GRID1: variants seen among roughly 807,000 people sequenced by gnomAD.
The protein encoded by GRID1 is glutamate ionotropic receptor delta type subunit 1.
Under a neutral mutation model 98.0 loss-of-function variants are expected in GRID1, and 28 were observed. The ratio of observed to expected loss-of-function variants is 0.29; its 90% CI spans 0.21 to 0.39. The LOEUF (loss-of-function observed/expected upper bound fraction) is 0.39, where lower values mean the gene tolerates loss of function less well. GRID1 is among the 10% of genes least tolerant of loss of function. The pLI is 1.00. For missense variants in GRID1, 1,111 were observed against 1,340.5 expected, an observed-to-expected ratio of 0.83 and a Z score of 2.67; for synonymous variants, 553 against 538.5, an observed-to-expected ratio of 1.03 and a Z score of -0.37.
At chr10:85,645,200 T>A (rs1843171470) in intron 13 of GRID1, among the ~76,000 whole-genome samples, 1 of 152,078 alleles carries the variant, frequency 6.6e-6, no homozygotes, top group Admixed American at 6.5e-5. Flanking sequence ...ATGCAATGAA[T>A]CTTCTTAAGA....
chr10:86,204,530 C>A (rs760115922), intron 3 of GRID1, among the ~76,000 whole-genome samples: 1 of 152,236 alleles, frequency 6.6e-6, no homozygotes, highest in African/African-American at 2.4e-5. Flanking sequence ...TCTTTGAGGA[C>A]CTGCATCTTG....
chr10:86,007,347 C>A (rs1034439498), intron 4 of GRID1, among the ~76,000 whole-genome samples: 1 of 152,174 alleles, frequency 6.6e-6, no homozygotes, highest in African/African-American at 2.4e-5. Context: ...TCTTGAGTTC[C>A]AAGTCTGAGG....
chr10:86,363,829 A>G, intron 2 of GRID1, 112 bp downstream of exon 2: 1 of 897,266 alleles, frequency 1.1e-6, no homozygotes, highest in Non-Finnish European at 1.7e-6. Context: ...GCGGCTGCCG[A>G]GGAACAGAGG....
intron 2 of GRID1, among the ~76,000 whole-genome samples, chr10:86,217,608 G>A (rs1267498023): frequency 6.6e-6 from 1 of 152,164 alleles, no homozygotes; most frequent in East Asian, 1.9e-4. Flanking sequence ...CCCTAGGAAA[G>A]AGGCAGCCGG....
intron 3 of GRID1, among the ~76,000 whole-genome samples, chr10:86,180,115 G>C (rs1480505835): frequency 6.6e-6 from 1 of 152,186 alleles, no homozygotes; most frequent in Non-Finnish European, 1.5e-5. Context: ...AGGGAGGCCA[G>C]CCCAGTGGTG....
intron 5 of GRID1, among the ~76,000 whole-genome samples, chr10:85,881,237 T>C (rs889175232): frequency 1.4e-4 from 21 of 152,180 alleles, no homozygotes; most frequent in Non-Finnish European, 2.2e-4. Flanking sequence ...CCCATCAAGC[T>C]ACCAATGACT....
At chr10:86,123,059 G>C (rs1484487914) in intron 4 of GRID1, among the ~76,000 whole-genome samples, 1 of 152,222 alleles carries the variant, frequency 6.6e-6, no homozygotes, top group African/African-American at 2.4e-5. Flanking sequence ...GCAACTGCTT[G>C]AGTTTTGAAT....
intron 4 of GRID1, among the ~76,000 whole-genome samples, chr10:86,035,246 A>G (rs986890463): frequency 3.9e-5 from 6 of 152,154 alleles, no homozygotes; most frequent in Non-Finnish European, 8.8e-5. Context: ...ATTTCTCTGG[A>G]AAGGGAAGCT....
At chr10:85,828,057 T>TA (rs921147121) in intron 8 of GRID1, among the ~76,000 whole-genome samples, 12 of 150,952 alleles carry the variant, frequency 7.9e-5, no homozygotes, top group Admixed American at 1.3e-4. Flanking sequence ...CTCAGCAAAT[T>TA]AAAAAAAAAT....
chr10:85,942,761 T>C (rs1009582156), intron 4 of GRID1, among the ~76,000 whole-genome samples: 15 of 152,314 alleles, frequency 9.8e-5, no homozygotes, highest in Admixed American at 8.5e-4. Flanking sequence ...TGTCCTGTGG[T>C]CCTATGTGTT....
At chr10:86,264,596 G>A in intron 2 of GRID1, 1 of 454,960 alleles carries the variant, frequency 2.2e-6, no homozygotes, top group Non-Finnish European at 4.4e-6. Context: ...TCTGGCTCAG[G>A]AGGGCCTGGC....
At chr10:86,228,543 C>A (rs1846394819) in intron 2 of GRID1, among the ~76,000 whole-genome samples, 1 of 152,168 alleles carries the variant, frequency 6.6e-6, no homozygotes, top group Non-Finnish European at 1.5e-5. Context: ...CCAGTTAATT[C>A]CACCTGACAC....
chr10:86,036,597 C>T (rs756569137), intron 4 of GRID1, among the ~76,000 whole-genome samples: 14 of 152,202 alleles, frequency 9.2e-5, no homozygotes, highest in Non-Finnish European at 1.6e-4. Flanking sequence ...CCCTGTCCTG[C>T]CTCCCTGTCC....
At chr10:85,955,267 G>A (rs7902468) in intron 4 of GRID1, among the ~76,000 whole-genome samples, 39,459 of 152,056 alleles carry the variant, frequency 0.26, 5,125 homozygotes, top group Middle Eastern at 0.3. Flanking sequence ...CCAGCCCTTA[G>A]GGTCAGCATC....
intron 2 of GRID1, among the ~76,000 whole-genome samples, chr10:86,354,296 A>G (rs1848504252): frequency 6.6e-6 from 1 of 152,254 alleles, no homozygotes; most frequent in African/African-American, 2.4e-5. Flanking sequence ...GGGGGTTGCT[A>G]GCACCCAGAC....
chr10:86,016,803 G>A (rs895662245), intron 4 of GRID1, among the ~76,000 whole-genome samples: 10 of 152,028 alleles, frequency 6.6e-5, no homozygotes, highest in Admixed American at 1.3e-4. Flanking sequence ...CCATCTCCCC[G>A]CAAATGGTGA....
At chr10:85,873,038 A>C (rs7099032) in intron 5 of GRID1, among the ~76,000 whole-genome samples, 39,898 of 152,038 alleles carry the variant, frequency 0.26, 5,410 homozygotes, top group African/African-American at 0.33. Flanking sequence ...TCAGTTCTAG[A>C]AGTTTCATGC....
At chr10:86,114,677 A>G (rs537485535) in intron 4 of GRID1, among the ~76,000 whole-genome samples, 2 of 152,284 alleles carry the variant, frequency 1.3e-5, no homozygotes, top group African/African-American at 4.8e-5. Flanking sequence ...TTCTGAGAAA[A>G]GGAAGCCCCT....
intron 6 of GRID1, among the ~76,000 whole-genome samples, chr10:85,859,057 T>C (rs1843139930): frequency 6.6e-6 from 1 of 152,216 alleles, no homozygotes; most frequent in Non-Finnish European, 1.5e-5. Flanking sequence ...GCTTGAGCAA[T>C]GCTCTTTTCC....
Sources: allele counts gnomAD v4.1 joint callset (sites outside exome capture counted in the v4.1 genomes callset), GRCh38; gene constraint gnomAD v4.1.1; transcripts MANE v1.5; gene names NCBI Gene and HGNC (gene_info 2026-07-23, HGNC 2026-07-21).